SNX29: variants seen among roughly 807,000 people sequenced by gnomAD.
The protein encoded by SNX29 is sorting nexin 29.
In SNX29, 78 loss-of-function variants were observed where a neutral mutation model predicts 102.1. The ratio of observed to expected loss-of-function variants is 0.76; its 90% CI spans 0.64 to 0.92. SNX29 has a LOEUF of 0.92. SNX29 is among the 40% of genes least tolerant of loss of function. The pLI, the probability that SNX29 is intolerant of heterozygous loss-of-function variation, is 0.00. For missense variants in SNX29, 1,280 were observed against 1,061.7 expected (o/e 1.21, Z -2.86); for synonymous variants, 580 against 414.5 (o/e 1.40, Z -4.85).
chr16:12,389,752 G>C (rs555012764), intron 16 of SNX29, among the ~76,000 whole-genome samples: 1 of 152,276 alleles, frequency 6.6e-6, no homozygotes, highest in East Asian at 1.9e-4. Context: ...GGAGGGCTCT[G>C]GCCAATGAGC....
intron 16 of SNX29, among the ~76,000 whole-genome samples, chr16:12,364,651 A>G (rs1331488850): frequency 6.6e-6 from 1 of 152,180 alleles, no homozygotes; most frequent in South Asian, 2.1e-4. Context: ...AGGTGAAGCC[A>G]CTCATTAAAT....
At chr16:12,454,935 A>G (rs1358373681) in intron 18 of SNX29, among the ~76,000 whole-genome samples, 1 of 152,022 alleles carries the variant, frequency 6.6e-6, no homozygotes, top group Non-Finnish European at 1.5e-5. Flanking sequence ...TTTAGCAGAG[A>G]TGGGGTTTCA....
intron 16 of SNX29, chr16:12,375,066 G>T (rs1415815005): frequency 1.3e-5 from 2 of 152,146 alleles, no homozygotes; most frequent in South Asian, 4.1e-4. Flanking sequence ...AAAATGCATG[G>T]ATTGAAAAGG....
At chr16:12,360,369 C>G (rs2082267738) in intron 16 of SNX29, among the ~76,000 whole-genome samples, 1 of 152,116 alleles carries the variant, frequency 6.6e-6, no homozygotes. Context: ...GCTCCTTGAA[C>G]TGTAGGTTTT....
At chr16:12,314,990 A>G (rs940230666) in intron 15 of SNX29, among the ~76,000 whole-genome samples, 2 of 152,214 alleles carry the variant, frequency 1.3e-5, no homozygotes, top group South Asian at 2.1e-4. Flanking sequence ...AAGTTCCACA[A>G]AATTGCTCTA....
At chr16:12,529,209 C>G (rs1390514444) in intron 20 of SNX29, among the ~76,000 whole-genome samples, 1 of 152,196 alleles carries the variant, frequency 6.6e-6, no homozygotes, top group Non-Finnish European at 1.5e-5. Context: ...ATTTTGAACT[C>G]TGTATATCAG....
intron 19 of SNX29, among the ~76,000 whole-genome samples, chr16:12,495,399 C>G (rs935477450): frequency 6.6e-6 from 1 of 152,184 alleles, no homozygotes; most frequent in Non-Finnish European, 1.5e-5. Flanking sequence ...CCACCCGCCT[C>G]AACTTCCCCA....
intron 19 of SNX29, among the ~76,000 whole-genome samples, chr16:12,495,950 A>C (rs941510280): frequency 3.9e-5 from 6 of 152,200 alleles, no homozygotes; most frequent in African/African-American, 1.4e-4. Context: ...CTGGAGGCTG[A>C]GGCAGTAGAA....
chr16:12,422,793 G>T (rs1221768070), intron 18 of SNX29, among the ~76,000 whole-genome samples: 2 of 152,220 alleles, frequency 1.3e-5, no homozygotes, highest in Non-Finnish European at 2.9e-5. Context: ...GCTTCCTTCA[G>T]CCCCCGACAG....
chr16:12,528,291 C>T (rs955810050), intron 20 of SNX29, among the ~76,000 whole-genome samples: 7 of 152,078 alleles, frequency 4.6e-5, no homozygotes, highest in African/African-American at 4.8e-5. Flanking sequence ...CCTCTACCTC[C>T]GGTTCAAGTG....
chr16:12,404,221 G>A (rs79479003), intron 18 of SNX29, among the ~76,000 whole-genome samples: 2,454 of 152,260 alleles, frequency 0.016, 47 homozygotes, highest in African/African-American at 0.039. Flanking sequence ...TGTAGACATC[G>A]CCTCTGCTTC....
At chr16:12,392,804 A>G (rs1597212404) in intron 16 of SNX29, among the ~76,000 whole-genome samples, 2 of 152,344 alleles carry the variant, frequency 1.3e-5, no homozygotes, top group South Asian at 2.1e-4. Context: ...CTCTAGTGGT[A>G]TGTTTGTAAA....
rs1378474550 is a variant in SNX29, at chr16:12,013,522, T to A, written c.122+10479T>A. The stretch of plus-strand genomic sequence containing the variant: ...AAAAATATATATATATATATATATA[T>A]ATATATATATATATATATATCGAGA... On this transcript the variant is annotated intron_variant, in intron 3 of 20. Transcript: ENST00000566228. Among the ~76,000 whole-genome samples the A allele has an allele frequency of 7.8e-3, 843 of 108,618 alleles. 56 individuals are homozygous for A. The highest frequency in any genetic ancestry group is 0.018 in the African/African-American group (517 of 29,236). 71.3% of individuals were successfully genotyped at this position (108,618 alleles called of 152,430 possible). A position where few individuals can be genotyped will look rare whatever the true frequency, so the allele number is the denominator to read the frequency against.
chr16:12,219,345 A>G (rs1037409169), intron 14 of SNX29, among the ~76,000 whole-genome samples: 1 of 152,152 alleles, frequency 6.6e-6, no homozygotes, highest in South Asian at 2.1e-4. Flanking sequence ...TACTCTTTTA[A>G]GCATACACAT....
At position 12,382,289 on chromosome 16, in the gene SNX29, G is replaced by A. The variant is rs150979752; in HGVS notation, c.1900-16157G>A. On this transcript the variant is annotated intron_variant, in intron 16 of 20. Transcript: ENST00000566228. ...AAGGTTAGAGAGGTCAGGTGCTTTT[G>A]TTAAGATAGCAGAGTCATGGTGTGA... Among the ~76,000 whole-genome samples the A allele has an allele frequency of 3.5e-3, 538 of 152,248 alleles. 2 individuals carry two copies. Among genetic ancestry groups the A allele is most frequent in the African/African-American group, 0.012 (518 of 41,550 alleles).
intron 15 of SNX29, among the ~76,000 whole-genome samples, chr16:12,313,580 T>C (rs1364570298): frequency 6.6e-6 from 1 of 152,210 alleles, no homozygotes; most frequent in Non-Finnish European, 1.5e-5. Context: ...ATTCCATCTA[T>C]CCCTTGCAGC....
At chr16:12,304,882 T>C (rs1486234897) in intron 15 of SNX29, among the ~76,000 whole-genome samples, 1 of 152,246 alleles carries the variant, frequency 6.6e-6, no homozygotes, top group Non-Finnish European at 1.5e-5. Context: ...CTGAGCTTTA[T>C]TCAGAATGTT....
intron 9 of SNX29, among the ~76,000 whole-genome samples, chr16:12,067,679 G>A (rs894138421): frequency 5.9e-5 from 9 of 152,118 alleles, no homozygotes; most frequent in African/African-American, 2.2e-4. Context: ...GTAGAGACGG[G>A]GTTTTGCCAT....
At chr16:12,153,480 CA>C (rs1185963067) in intron 13 of SNX29, among the ~76,000 whole-genome samples, 2 of 149,124 alleles carry the variant, frequency 1.3e-5, no homozygotes, top group Non-Finnish European at 3.0e-5. Flanking sequence ...AAACAAAAAA[CA>C]AAAAACAAAA....
Sources: allele counts gnomAD v4.1 joint callset (sites outside exome capture counted in the v4.1 genomes callset), GRCh38; gene constraint gnomAD v4.1.1; transcripts MANE v1.5; gene names NCBI Gene and HGNC (gene_info 2026-07-23, HGNC 2026-07-21).